Variants in G3BP1 observed in about 807,000 individuals in gnomAD.
G3BP1 encodes ras GTPase-activating protein-binding protein 1.
G3BP1 carries 35 observed loss-of-function variants against 58.6 expected under a neutral mutation model. That is an observed-to-expected ratio of 0.60 (90% CI 0.46 to 0.79). The LOEUF is 0.79. G3BP1 is among the 30% of genes least tolerant of loss of function. The pLI is 0.00. For missense variants in G3BP1, 523 were observed against 580.8 expected (o/e 0.90, Z 1.02); for synonymous variants, 191 against 195.4 (o/e 0.98, Z 0.19).
chr5:151,805,003 G>A lies in G3BP1; in HGVS notation c.*912G>A, dbSNP rs1310742082. 1.3e-5 allele frequency: 2 copies of A among 152,438 alleles called. No individual in the cohort carries two copies. Among genetic ancestry groups the A allele is most frequent in the Non-Finnish European group, 2.9e-5 (2 of 67,998 alleles). 9.4% of individuals were successfully genotyped at this position (152,438 alleles called of 1,614,324 possible). On this transcript the variant is annotated 3_prime_UTR_variant, in exon 12 of 12. Transcript: ENST00000356245. ...TATAGAATCCCTCTTTCATCACTTT[G>A]TGTATGTCTTTTGTTAACATATTTG...
rs750454721 is a variant in G3BP1 at position 151,795,462 on chromosome 5, A to G, written c.443-17A>G. 2 of 1,327,992 alleles carry G rather than the reference A, an allele frequency of 1.5e-6. No homozygotes were observed. Among genetic ancestry groups the G allele is most frequent in the Non-Finnish European group, 2.2e-6 (2 of 928,190 alleles). 82.3% of individuals were successfully genotyped at this position (1,327,992 alleles called of 1,614,324 possible). ...TCAGTAAGTACAAATTACTTTAAAT[A>G]TCTTTTTCTCACTTAGAGTCTGAAG... On this transcript the variant is annotated splice_polypyrimidine_tract_variant and intron_variant, in intron 5 of 11. Transcript: ENST00000356245.
At chr5:151,778,981 T>G (rs1762420567) in intron 1 of G3BP1, among the ~76,000 whole-genome samples, 1 of 151,650 alleles carries the variant, frequency 6.6e-6, no homozygotes, top group African/African-American at 2.4e-5. Context: ...TGCTTGAACC[T>G]GGGAGGTGGA....
chr5:151,780,205 G>C (rs1313221583), intron 1 of G3BP1, among the ~76,000 whole-genome samples: 2 of 152,132 alleles, frequency 1.3e-5, no homozygotes, highest in Non-Finnish European at 2.9e-5. Flanking sequence ...TACTTACTCT[G>C]TTTTGTTTGC....
At chr5:151,778,914 G>A (rs979148055) in intron 1 of G3BP1, among the ~76,000 whole-genome samples, 11 of 151,860 alleles carry the variant, frequency 7.2e-5, no homozygotes, top group African/African-American at 1.7e-4. Context: ...AAAATTAGTC[G>A]GGCGTGGTGG....
At chr5:151,798,451 G>C (rs1387958652) in intron 7 of G3BP1, among the ~76,000 whole-genome samples, 1 of 152,204 alleles carries the variant, frequency 6.6e-6, no homozygotes, top group Non-Finnish European at 1.5e-5. Flanking sequence ...ATGATGGCTT[G>C]AATTAGAGTT....
chr5:151,790,375 A>C lies in G3BP1; in HGVS notation c.148A>C (p.Lys50Gln), dbSNP rs1338847469. Reference protein sequence around the residue: ...YVHGGLDSNGKPADAVYGQKE... With the variant: ...YVHGGLDSNGQPADAVYGQKE... ...CCATGGGGGATTGGATTCAAATGGAAAGCCAGCAGATGCAGTCTACGGACA... is the reference window on the plus strand; with the variant it reads ...CCATGGGGGATTGGATTCAAATGGACAGCCAGCAGATGCAGTCTACGGACA... The change falls in exon 3 of 12, where the codon AAG (lysine) becomes CAG (glutamine). Residue 50 changes from lysine (K) to glutamine (Q), a missense_variant. Around this residue, in one of 2 missense-constraint regions of G3BP1, gnomAD observed 398 missense variants for 399.1 expected, o/e 1.00. Transcript: ENST00000356245. The C allele has an allele frequency of 1.9e-6, 3 of 1,585,748 alleles. No homozygotes were observed. Among genetic ancestry groups the C allele is most frequent in the Admixed American group, 3.6e-5 (2 of 56,052 alleles).
chr5:151,795,773 G>C (rs370966766), intron 6 of G3BP1, among the ~76,000 whole-genome samples, 198 bp downstream of exon 6: 5 of 152,094 alleles, frequency 3.3e-5, no homozygotes, highest in Non-Finnish European at 7.4e-5. Flanking sequence ...TACTATGAAG[G>C]CAATCTACTA....
At position 151,810,987 on chromosome 5, in the gene G3BP1, C is replaced by A. The variant is rs1763009756; in HGVS notation, c.*6896C>A. 1 of 152,166 alleles carries A rather than the reference C, an allele frequency of 6.6e-6. No individual in the cohort carries two copies. The highest frequency in any genetic ancestry group is 2.4e-5 in the African/African-American group (1 of 41,456). 9.4% of individuals were successfully genotyped at this position (152,166 alleles called of 1,614,324 possible). A position where few individuals can be genotyped will look rare whatever the true frequency, so the allele number is the denominator to read the frequency against. ...TTTATATGAAATTTTCATTTCTTTGCAAAAACTTGTTCCTTCTTTCAGTTC... is the reference window on the plus strand; with the variant it reads ...TTTATATGAAATTTTCATTTCTTTGAAAAAACTTGTTCCTTCTTTCAGTTC... On this transcript the variant is annotated 3_prime_UTR_variant, in exon 12 of 12. Transcript: ENST00000356245.
intron 7 of G3BP1, among the ~76,000 whole-genome samples, chr5:151,798,223 A>T (rs185859935): frequency 1.3e-5 from 2 of 152,142 alleles, no homozygotes; most frequent in African/African-American, 2.4e-5. Context: ...GGTGGTGCCT[A>T]TGTGTGGTCC....
intron 1 of G3BP1, among the ~76,000 whole-genome samples, chr5:151,776,666 A>G (rs191358799): frequency 2.0e-5 from 3 of 152,128 alleles, no homozygotes; most frequent in East Asian, 3.9e-4. Context: ...TTATATCACT[A>G]TAGACCACGG....
Position 151,786,473 on chromosome 5 carries a change from A to T in G3BP1, c.-49-99A>T, listed in dbSNP as rs1415551722. 28 of 652,948 alleles carry T rather than the reference A, an allele frequency of 4.3e-5. No individual in the cohort carries two copies. The East Asian group carries it at 6.9e-4, about 16-fold the overall frequency. The allele number at this position is 652,948 out of a possible 1,614,324, so 40.4% of individuals were successfully genotyped here. On this transcript the variant is annotated intron_variant, in intron 1 of 11. Transcript: ENST00000356245. ...TGTATGGGCTCTGTTTGTTTTTATG[A>T]TGTTTGTTCATGTTTTAAACGACTT... is the stretch of plus-strand genomic sequence containing the variant.
chr5:151,785,780 T>C (rs2113226807), intron 1 of G3BP1, among the ~76,000 whole-genome samples: 1 of 152,344 alleles, frequency 6.6e-6, no homozygotes, highest in East Asian at 1.9e-4. Flanking sequence ...CATGATAGAA[T>C]GAAGTAGTAA....
Position 151,797,510 on chromosome 5 carries a change from G to T in G3BP1, c.741+82G>T, listed in dbSNP as rs1762775625. On this transcript the variant is annotated intron_variant, in intron 7 of 11. Coordinates refer to ENST00000356245, the MANE Select transcript of G3BP1 (RefSeq NM_005754.3). ...TTCTGTTCTTTTGTATTGCTGTTTGGTTGACTTGTAGATACATTTTCATAT... is the reference window on the plus strand; with the variant it reads ...TTCTGTTCTTTTGTATTGCTGTTTGTTTGACTTGTAGATACATTTTCATAT... 7.0e-6 allele frequency: 10 copies of T among 1,421,082 alleles called. No homozygotes were observed. In the East Asian group the frequency reaches 2.5e-4, roughly 35 times the overall value. 88.0% of individuals were successfully genotyped at this position (1,421,082 alleles called of 1,614,324 possible).
In G3BP1 at chr5:151,800,913, A is replaced by G. The variant is rs1159232348; in HGVS notation, c.1194+44A>G. ...TGATTTTTTTTTTTTTTTTTTAAAA[A>G]GGGTTTTGGTTCTTTAGAATATATC... is the stretch of plus-strand genomic sequence containing the variant. On this transcript the variant is annotated intron_variant, in intron 11 of 11. Coordinates refer to ENST00000356245, the MANE Select transcript of G3BP1 (RefSeq NM_005754.3). 10 of 941,284 alleles carry G rather than the reference A, an allele frequency of 1.1e-5. No homozygotes were observed. In the East Asian group the frequency reaches 1.7e-4, roughly 16 times the overall value. The allele number at this position is 941,284 out of a possible 1,614,324, so 58.3% of individuals were successfully genotyped here.
intron 2 of G3BP1, chr5:151,786,958 C>A: frequency 3.5e-6 from 1 of 282,836 alleles, no homozygotes. Context: ...TTCTTCTGCC[C>A]CAGCCTCCTG....
intron 11 of G3BP1, among the ~76,000 whole-genome samples, chr5:151,801,800 C>T (rs1192877045): frequency 6.6e-6 from 1 of 151,622 alleles, no homozygotes; most frequent in Non-Finnish European, 1.5e-5. Flanking sequence ...GGGCATACTG[C>T]AAAGTTTTTT....
At chr5:151,786,539 AT>A (rs1319025553) in intron 1 of G3BP1, 32 bp from the exon 2 acceptor site, 1 of 861,442 alleles carries the variant, frequency 1.2e-6, no homozygotes, top group Non-Finnish European at 2.0e-6. Context: ...CAGCTAAATG[AT>A]TCGGTCTTTT....
At position 151,812,416 on chromosome 5, in the gene G3BP1, G is replaced by T. The variant is rs1763030186; in HGVS notation, c.*8325G>T. ...GAATAAAGGAAATGTAAAATTATTT[G>T]CAGAATAATAACCTGGGATTTGCTC... On this transcript the variant is annotated 3_prime_UTR_variant, in exon 12 of 12. Transcript: ENST00000356245. 2 of 152,194 alleles carry T rather than the reference G, an allele frequency of 1.3e-5. No homozygotes were observed. The highest frequency in any genetic ancestry group is 4.8e-5 in the African/African-American group (2 of 41,440). The allele number at this position is 152,194 out of a possible 1,614,324, so 9.4% of individuals were successfully genotyped here. A position where few individuals can be genotyped will look rare whatever the true frequency, so the allele number is the denominator to read the frequency against.
At chr5:151,790,081 C>A (rs1045442718) in intron 2 of G3BP1, among the ~76,000 whole-genome samples, 2 of 148,976 alleles carry the variant, frequency 1.3e-5, no homozygotes, top group Non-Finnish European at 3.0e-5. Context: ...AGCTGAGGTG[C>A]CATTGCACTC....
Sources: gnomAD v4.1 joint callset for allele counts (sites outside exome capture counted in the v4.1 genomes callset) on GRCh38, gnomAD v4.1.1 for gene constraint, gnomAD v4.1.1 regional missense constraint, MANE v1.5 for transcripts, NCBI Gene and HGNC (gene_info 2026-07-23, HGNC 2026-07-21) for gene names.